The following TRAPPC2L variants were observed in gnomAD, a reference collection of about 807,000 sequenced individuals.
The protein encoded by TRAPPC2L is trafficking protein particle complex subunit 2L.
Under a neutral mutation model 13.2 loss-of-function variants are expected in TRAPPC2L, and 17 were observed. The ratio of observed to expected loss-of-function variants is 1.29; its 90% CI spans 0.88 to 1.93. TRAPPC2L has a LOEUF of 1.93. TRAPPC2L is among the 30% of genes most tolerant of loss of function. The pLI is 0.00. For missense variants in TRAPPC2L, 359 were observed against 252.1 expected, an observed-to-expected ratio of 1.42 and a Z score of -2.87; for synonymous variants, 150 against 98.1, an observed-to-expected ratio of 1.53 and a Z score of -3.12.
chr16:88,859,642 C>A (rs200389782), intron 2 of TRAPPC2L, 21 bp from the exon 3 acceptor site: 2 of 1,612,706 alleles, frequency 1.2e-6, no homozygotes, highest in Non-Finnish European at 1.7e-6. Context: ...TTACGAGTGC[C>A]TTCCCTAACC....
At chr16:88,858,060 T>C (rs914278204) in intron 1 of TRAPPC2L, among the ~76,000 whole-genome samples, 8 of 152,250 alleles carry the variant, frequency 5.3e-5, no homozygotes, top group Admixed American at 1.3e-4. Flanking sequence ...TCTTGTTCAC[T>C]GTATTTGTGC....
At chr16:88,858,652 G>C in exon 2 of TRAPPC2L, 2 of 1,613,402 alleles carry the variant, frequency 1.2e-6, no homozygotes, top group Non-Finnish European at 1.7e-6. Context: ...CACCCCTACG[G>C]AGAACGAGCT....
At chr16:88,859,234 G>C (rs980822244) in intron 2 of TRAPPC2L, 2 of 527,226 alleles carry the variant, frequency 3.8e-6, no homozygotes, top group African/African-American at 1.9e-5. Context: ...CTTCCCAAAA[G>C]TCATCATGTA....
chr16:88,861,017 C>T (rs375610880), exon 4 of TRAPPC2L: 20 of 1,530,714 alleles, frequency 1.3e-5, no homozygotes, highest in East Asian at 2.4e-5. Flanking sequence ...GTGGGGCCGT[C>T]GGTCTGTTCT....
At chr16:88,860,505 G>A in exon 4 of TRAPPC2L, 13 of 599,732 alleles carry the variant, frequency 2.2e-5, no homozygotes, top group Non-Finnish European at 3.8e-5. Flanking sequence ...TGGTTGGCAG[G>A]GAAGAGGACG....
At chr16:88,860,969 G>T in exon 4 of TRAPPC2L, 2 of 1,583,138 alleles carry the variant, frequency 1.3e-6, no homozygotes. Context: ...AGTGAGCTGT[G>T]CTGCCAGCCA....
chr16:88,856,877 T>C (rs771531650), upstream of TRAPPC2L: 11 of 1,507,186 alleles, frequency 7.3e-6, no homozygotes, highest in African/African-American at 2.9e-5. Context: ...ACCGCCGCCA[T>C]GGCAACCACG....
exon 1 of TRAPPC2L, chr16:88,857,127 G>T (rs368599694): frequency 8.4e-6 from 13 of 1,554,178 alleles, no homozygotes; most frequent in African/African-American, 2.8e-5. Flanking sequence ...ACGTGACGCG[G>T]TGCCTGGCGC....
exon 4 of TRAPPC2L, chr16:88,860,326 C>G: frequency 1.5e-6 from 1 of 687,780 alleles, no homozygotes; most frequent in Non-Finnish European, 2.7e-6. Flanking sequence ...GCTACCTGAT[C>G]TTTTATGTTG....
chr16:88,862,003 T>C lies in TRAPPC2L; in HGVS notation c.*1679T>C, dbSNP rs573963710. On this transcript the variant is annotated 3_prime_UTR_variant, in exon 4 of 4. Coordinates refer to ENST00000565504, the Ensembl canonical transcript of TRAPPC2L. ...AGGCCTCCCCCGCCCCAGGGTGAAT[T>C]GGAAGCCCTGGAATGGGCCGAGGCA... 293 of 201,934 alleles carry C rather than the reference T, an allele frequency of 1.5e-3. 1 individual carries two copies. Among genetic ancestry groups the C allele is most frequent in the Non-Finnish European group, 2.5e-3 (237 of 96,462 alleles). 12.5% of individuals were successfully genotyped at this position (201,934 alleles called of 1,614,324 possible).
At chr16:88,861,689 C>T (rs377424160) in exon 4 of TRAPPC2L, 26 of 480,778 alleles carry the variant, frequency 5.4e-5, no homozygotes, top group South Asian at 2.6e-4. Flanking sequence ...GCGTCAGTGC[C>T]GCCGGCGTCC....
At chr16:88,856,395 A>C (rs1223035780), upstream of TRAPPC2L, 3 of 701,568 alleles carry the variant, frequency 4.3e-6, no homozygotes, top group East Asian at 8.1e-5. Context: ...CCAAGAGTAG[A>C]GGGCGGGAAA....
intron 2 of TRAPPC2L, 91 bp from the exon 3 acceptor site, chr16:88,859,572 G>C: frequency 8.3e-7 from 1 of 1,208,216 alleles, no homozygotes; most frequent in Non-Finnish European, 1.2e-6. Context: ...TGTGATTCAA[G>C]GTTGCCACAT....
exon 4 of TRAPPC2L, chr16:88,859,936 A>T: frequency 1.2e-6 from 2 of 1,613,450 alleles, no homozygotes; most frequent in African/African-American, 2.7e-5. Flanking sequence ...GTGATGTGCA[A>T]CCCCTTCTAC....
exon 4 of TRAPPC2L, chr16:88,862,341 G>A (rs533447977): frequency 6.6e-6 from 1 of 152,592 alleles, no homozygotes. Flanking sequence ...GCAGCCCGGG[G>A]TGTGCAGCTG....
chr16:88,856,282 C>G (rs528345361), upstream of TRAPPC2L: 8 of 702,876 alleles, frequency 1.1e-5, no homozygotes, highest in Non-Finnish European at 2.1e-5. Context: ...CCCGGCGGCC[C>G]GAGGTGGCGG....
At chr16:88,861,359 C>T in exon 4 of TRAPPC2L, 3 of 353,882 alleles carry the variant, frequency 8.5e-6, no homozygotes, top group Non-Finnish European at 1.7e-5. Context: ...CTCCTGAGCC[C>T]AGAACCAGCC....
exon 4 of TRAPPC2L, chr16:88,860,437 A>T: frequency 1.6e-6 from 1 of 606,466 alleles, no homozygotes; most frequent in Admixed American, 2.9e-5. Context: ...TGTGGGGTCC[A>T]TGCCCACATT....
rs372629663 is a variant in TRAPPC2L at position 88,860,902 on chromosome 16, T to C, written c.*578T>C. 3.2e-5 allele frequency: 51 copies of C among 1,588,388 alleles called. No individual in the cohort carries two copies. The highest frequency in any genetic ancestry group is 4.1e-5 in the Non-Finnish European group (48 of 1,169,222). ...CTGGCTCTCCTCTGAGTGGGTCTGT[T>C]TCTCTTAGCAGGGCCTTTGATAACA... On this transcript the variant is annotated 3_prime_UTR_variant, in exon 4 of 4. Coordinates refer to ENST00000565504, the Ensembl canonical transcript of TRAPPC2L.
Sources: gnomAD v4.1 joint callset for allele counts (sites outside exome capture counted in the v4.1 genomes callset) on GRCh38, gnomAD v4.1.1 for gene constraint, MANE v1.5 for transcripts, NCBI Gene and HGNC (gene_info 2026-07-23, HGNC 2026-07-21) for gene names.